POLR1D: variants seen among roughly 807,000 people sequenced by gnomAD.
POLR1D encodes RNA polymerase I and III subunit D.
Under a neutral mutation model 10.8 loss-of-function variants are expected in POLR1D, and 8 were observed. The observed-to-expected ratio is 0.74, with a 90% CI of 0.43 to 1.33. The LOEUF (loss-of-function observed/expected upper bound fraction) is 1.33. Ranked by LOEUF, POLR1D falls within the 40% of genes most tolerant of loss-of-function variation. The pLI is 0.01. For missense variants in POLR1D, 152 were observed against 161.7 expected (o/e 0.94, Z 0.32); for synonymous variants, 54 against 57.2 (o/e 0.94, Z 0.25).
downstream of POLR1D, among the ~76,000 whole-genome samples, chr13:27,624,800 A>T (rs753502387): frequency 6.6e-6 from 1 of 152,142 alleles, no homozygotes; most frequent in African/African-American, 2.4e-5. Context: ...AGGCGAGAGG[A>T]TATCTTGAAC....
rs115942003 is a variant in POLR1D at position 27,628,870 on chromosome 13, C to T, written c.26+6861C>T. On this transcript the variant is annotated intron_variant, in intron 1 of 2. Coordinates refer to the POLR1D transcript ENST00000399697. ...TCGCACTGTTACCAAGGCTGGAATG[C>T]AGTGGTGCAATCTCAACTCGCTGCA... 4.1e-3 allele frequency among the ~76,000 whole-genome samples: 620 copies of T among 152,282 alleles called. 3 individuals carry two copies. The highest frequency in any genetic ancestry group is 0.014 in the African/African-American group (585 of 41,556).
chr13:27,659,607 C>T (rs898197981), intron 2 of POLR1D, among the ~76,000 whole-genome samples: 1 of 152,086 alleles, frequency 6.6e-6, no homozygotes, highest in African/African-American at 2.4e-5. Context: ...TGCTTACTGC[C>T]CCTGCTTCCC....
downstream of POLR1D, among the ~76,000 whole-genome samples, chr13:27,627,739 T>TG (rs549255185): frequency 2.4e-5 from 3 of 125,074 alleles, no homozygotes; most frequent in South Asian, 6.6e-4. Flanking sequence ...TTTTTTTTTT[T>TG]TTTTTTTTTT....
At chr13:27,638,198 C>T (rs1417387451) in intron 1 of POLR1D, among the ~76,000 whole-genome samples, 1 of 152,226 alleles carries the variant, frequency 6.6e-6, no homozygotes, top group African/African-American at 2.4e-5. Flanking sequence ...ACTGGCCCTT[C>T]ATCATCTCTT....
rs561621783 is a variant in POLR1D, at chr13:27,656,838, G to C, written c.101+8385G>C. On this transcript the variant is annotated intron_variant, in intron 2 of 2. Coordinates refer to the POLR1D transcript ENST00000399697. ...TTTTGATAGTAAAAAAAGGGAAGCA[G>C]TCCAAATGTCCATAGATAGGAAAAT... 2.0e-4 allele frequency among the ~76,000 whole-genome samples: 31 copies of C among 152,250 alleles called. No homozygotes were observed. The Middle Eastern group carries it at 0.01, about 50-fold the overall frequency.
intron 2 of POLR1D, among the ~76,000 whole-genome samples, chr13:27,661,638 A>C (rs1566153891): frequency 6.6e-6 from 1 of 152,210 alleles, no homozygotes; most frequent in Non-Finnish European, 1.5e-5. Context: ...GGAATGGTGG[A>C]GTGTCTAATG....
At chr13:27,661,775 T>C (rs1956366481) in intron 2 of POLR1D, among the ~76,000 whole-genome samples, 1 of 152,204 alleles carries the variant, frequency 6.6e-6, no homozygotes, top group South Asian at 2.1e-4. Context: ...GTACAGAGCA[T>C]GAGCAGAGGA....
At chr13:27,655,847 G>T (rs547526193) in intron 2 of POLR1D, among the ~76,000 whole-genome samples, 76 of 142,586 alleles carry the variant, frequency 5.3e-4, no homozygotes, top group Admixed American at 1.6e-3. Context: ...AAAGAGGCAG[G>T]AGGAAGGAAG....
rs1955935168 is a variant in POLR1D, at chr13:27,621,951, G to C, written c.-33G>C. The C allele has an allele frequency of 3.8e-6, 6 of 1,583,750 alleles. No homozygotes were observed. Among genetic ancestry groups the C allele is most frequent in the East Asian group, 2.3e-5 (1 of 43,834 alleles). ...ATGGGACAGAGCCCCCGATCCGCCA[G>C]CACCACCTGAGGATCCAGAAACCGC... On this transcript the variant is annotated 5_prime_UTR_variant, in exon 1 of 2. Transcript: ENST00000302979.
chr13:27,640,677 A>T (rs1257284047), intron 1 of POLR1D, among the ~76,000 whole-genome samples: 1 of 151,658 alleles, frequency 6.6e-6, no homozygotes, highest in Non-Finnish European at 1.5e-5. Flanking sequence ...GTGTAGGTCT[A>T]TGTGGAACAT....
chr13:27,623,509 T>C (rs1208452760), downstream of POLR1D: 4 of 520,842 alleles, frequency 7.7e-6, no homozygotes, highest in Non-Finnish European at 9.0e-6. Flanking sequence ...ACTTTTTTTC[T>C]AATTAAGCCA....
rs115570293 is a variant in POLR1D, at chr13:27,630,230, C to G, written c.26+8221C>G. On this transcript the variant is annotated intron_variant, in intron 1 of 2. Coordinates refer to the POLR1D transcript ENST00000399697. ...CTAGTACTGTTTCTCAGTATATTCCCTGTTCATTATGCAAGGCACTTAGCA... is the reference window on the plus strand; with the variant it reads ...CTAGTACTGTTTCTCAGTATATTCCGTGTTCATTATGCAAGGCACTTAGCA... 2.1e-3 allele frequency among the ~76,000 whole-genome samples: 326 copies of G among 152,230 alleles called. 1 individual carries two copies. The highest frequency in any genetic ancestry group is 7.6e-3 in the African/African-American group (315 of 41,530).
downstream of POLR1D, among the ~76,000 whole-genome samples, chr13:27,625,659 TAAA>T (rs60864865): frequency 7.0e-6 from 1 of 142,008 alleles, no homozygotes; most frequent in African/African-American, 2.6e-5. Flanking sequence ...ATAAATTGAT[TAAA>T]AAAAAAAAAA....
chr13:27,659,505 A>G (rs540149600), intron 2 of POLR1D, among the ~76,000 whole-genome samples: 12 of 152,312 alleles, frequency 7.9e-5, no homozygotes, highest in African/African-American at 2.9e-4. Flanking sequence ...TGATGGGACT[A>G]TAACTTTGCT....
At chr13:27,632,662 C>T (rs1956086234) in intron 1 of POLR1D, among the ~76,000 whole-genome samples, 1 of 151,020 alleles carries the variant, frequency 6.6e-6, no homozygotes, top group African/African-American at 2.4e-5. Context: ...CCCAGCACTC[C>T]TACCTTGTAT....
intron 2 of POLR1D, among the ~76,000 whole-genome samples, chr13:27,664,130 C>T (rs944124216): frequency 1.3e-5 from 2 of 152,152 alleles, no homozygotes; most frequent in Admixed American, 6.5e-5. Flanking sequence ...CAGGAGAACT[C>T]GGCTTGCCTC....
chr13:27,662,673 A>G (rs953350756), intron 2 of POLR1D, among the ~76,000 whole-genome samples: 1 of 151,676 alleles, frequency 6.6e-6, no homozygotes, highest in Non-Finnish European at 1.5e-5. Context: ...TAAGGTAGAT[A>G]CGTCTGTTAT....
At chr13:27,634,310 G>C (rs1956101310) in intron 1 of POLR1D, among the ~76,000 whole-genome samples, 1 of 152,164 alleles carries the variant, frequency 6.6e-6, no homozygotes, top group Non-Finnish European at 1.5e-5. Flanking sequence ...GTGTGTCACT[G>C]TCTGCTGCCC....
intron 1 of POLR1D, chr13:27,647,987 C>T: frequency 5.2e-6 from 1 of 192,884 alleles, no homozygotes; most frequent in Non-Finnish European, 1.1e-5. Context: ...TGGGCAGAAA[C>T]ATTTATCCTT....
Sources: allele counts gnomAD v4.1 joint callset (sites outside exome capture counted in the v4.1 genomes callset), GRCh38; gene constraint gnomAD v4.1.1; transcripts MANE v1.5; gene names NCBI Gene and HGNC (gene_info 2026-07-23, HGNC 2026-07-21).